GLIS1: variants seen among roughly 807,000 people sequenced by gnomAD.
GLIS1 encodes the protein zinc finger protein GLIS1.
Under a neutral mutation model 63.8 loss-of-function variants are expected in GLIS1, and 24 were observed. The observed-to-expected ratio is 0.38, with a 90% CI of 0.27 to 0.53. The LOEUF is 0.53. Among genes scored for constraint, GLIS1 ranks in the 20% least tolerant of loss-of-function variants. GLIS1 has a pLI of 0.85. For missense variants in GLIS1, 1,036 were observed against 1,074.1 expected (o/e 0.96, Z 0.50); for synonymous variants, 450 against 482.5 (o/e 0.93, Z 0.88).
chr1:53,734,992 T>C (rs935641946), intron 2 of GLIS1, among the ~76,000 whole-genome samples: 1 of 152,120 alleles, frequency 6.6e-6, no homozygotes, highest in Admixed American at 6.5e-5. Context: ...ACCATCCCAG[T>C]GCCTCCCGAT....
chr1:53,643,892 G>A (rs1645814444), intron 2 of GLIS1, among the ~76,000 whole-genome samples: 1 of 152,186 alleles, frequency 6.6e-6, no homozygotes, highest in Non-Finnish European at 1.5e-5. Context: ...ATCCCCACAC[G>A]ATAGAAGAGG....
At chr1:53,641,153 C>A (rs781119431) in intron 2 of GLIS1, among the ~76,000 whole-genome samples, 1 of 152,174 alleles carries the variant, frequency 6.6e-6, no homozygotes, top group Non-Finnish European at 1.5e-5. Context: ...GGTGTTGACT[C>A]TTCTTGGAAC....
chr1:53,577,247 T>C (rs1645041395), intron 4 of GLIS1, among the ~76,000 whole-genome samples: 1 of 151,674 alleles, frequency 6.6e-6, no homozygotes, highest in African/African-American at 2.4e-5. Context: ...GACACCTCCC[T>C]ATTCAGCATG....
chr1:53,708,934 A>G (rs11206202), intron 2 of GLIS1, among the ~76,000 whole-genome samples: 38,924 of 151,918 alleles, frequency 0.26, 5,274 homozygotes, highest in African/African-American at 0.35. Context: ...ATCATTATTC[A>G]TTCATTTACT....
chr1:53,577,451 G>A (rs931071589), intron 4 of GLIS1, among the ~76,000 whole-genome samples: 1 of 152,208 alleles, frequency 6.6e-6, no homozygotes, highest in African/African-American at 2.4e-5. Context: ...TTCTGGAGCT[G>A]ACAAACACGT....
chr1:53,574,793 A>G lies in GLIS1; in HGVS notation c.1320+19315T>C, dbSNP rs2100476387. 6.6e-6 allele frequency among the ~76,000 whole-genome samples: 1 copy of G among 152,260 alleles called. No homozygotes were observed. On this transcript the variant is annotated intron_variant, in intron 4 of 10. Transcript: ENST00000628545. The surrounding 1 kb of genome is among the most constrained non-coding windows in gnomAD (Gnocchi z 4.2). Reference sequence around the variant, plus strand: ...CATGGGGCCATGGGGTCTAGCTGTGAATGTGGTAAAAAGCTGGGGCAGGAG... The same window carrying G: ...CATGGGGCCATGGGGTCTAGCTGTGGATGTGGTAAAAAGCTGGGGCAGGAG...
intron 2 of GLIS1, among the ~76,000 whole-genome samples, chr1:53,655,052 T>C (rs1328064927): frequency 3.3e-5 from 5 of 152,202 alleles, no homozygotes; most frequent in Admixed American, 6.5e-5. Flanking sequence ...TGACGGGGCC[T>C]AGTGCACAGG....
intron 2 of GLIS1, among the ~76,000 whole-genome samples, chr1:53,720,947 G>A (rs570840179): frequency 4.1e-4 from 62 of 151,392 alleles, no homozygotes; most frequent in Middle Eastern, 3.4e-3. Flanking sequence ...GCAGTGGGCC[G>A]AGATCACGCC....
intron 2 of GLIS1, among the ~76,000 whole-genome samples, chr1:53,732,889 C>T (rs797913): frequency 0.13 from 20,064 of 151,930 alleles, 1,830 homozygotes; most frequent in African/African-American, 0.26. Flanking sequence ...AATACTACCA[C>T]ATCGTGTTGA....
At chr1:53,531,369 C>A (rs1644528958) in intron 4 of GLIS1, among the ~76,000 whole-genome samples, 1 of 152,228 alleles carries the variant, frequency 6.6e-6, no homozygotes, top group Admixed American at 6.5e-5. Context: ...AGGACTGGCG[C>A]TCCCAAAGCC....
rs1035633908 is a variant in GLIS1, at chr1:53,539,069, G to A, written c.1321-9117C>T. On this transcript the variant is annotated intron_variant, in intron 4 of 10. Coordinates refer to ENST00000628545, the MANE Select transcript of GLIS1 (RefSeq NM_001367484.1). The surrounding 1 kb of genome is among the most constrained non-coding windows in gnomAD (Gnocchi z 5.0). ...GGAATGAGGAAAGAGGCTCTGCCAG[G>A]GGCCAGGGCTCCGCAGAGAGCACAC... Among the ~76,000 whole-genome samples, 1 of 151,976 alleles carries A rather than the reference G, an allele frequency of 6.6e-6. No individual in the cohort carries two copies. Among genetic ancestry groups the A allele is most frequent in the Non-Finnish European group, 1.5e-5 (1 of 67,978 alleles).
chr1:53,521,427 G>A (rs900040089), intron 6 of GLIS1, among the ~76,000 whole-genome samples: 1 of 152,034 alleles, frequency 6.6e-6, no homozygotes, highest in African/African-American at 2.4e-5. Context: ...AGCTGGGCTC[G>A]GATCCCATCC....
chr1:53,585,269 C>A, intron 4 of GLIS1, among the ~76,000 whole-genome samples: 1 of 151,932 alleles, frequency 6.6e-6, no homozygotes, highest in Non-Finnish European at 1.5e-5. Context: ...ATCTAATATG[C>A]GCCAGGCACG....
intron 4 of GLIS1, among the ~76,000 whole-genome samples, chr1:53,581,176 G>C (rs897232090): frequency 1.3e-5 from 2 of 152,218 alleles, no homozygotes; most frequent in Non-Finnish European, 2.9e-5. Context: ...CGATGAAGAA[G>C]GGAGGGAAAT....
intron 4 of GLIS1, among the ~76,000 whole-genome samples, chr1:53,546,835 CTGT>C (rs1446654189): frequency 6.6e-6 from 1 of 152,218 alleles, no homozygotes; most frequent in African/African-American, 2.4e-5. Flanking sequence ...CTAGATTTCC[CTGT>C]TGTTAAGACT....
At chr1:53,565,511 A>G (rs1644929695) in intron 4 of GLIS1, among the ~76,000 whole-genome samples, 2 of 152,212 alleles carry the variant, frequency 1.3e-5, no homozygotes, top group South Asian at 4.1e-4. Flanking sequence ...GGCACAAAAA[A>G]AGGAATAATA....
In GLIS1 at chr1:53,598,439, G is replaced by A. The variant is rs997759257; in HGVS notation, c.437+1662C>T. The stretch of plus-strand genomic sequence containing the variant: ...AGTCTCAGCTGCTGGAGTGGCTGAG[G>A]TGGCAGGATCACTTGAGCCTGGGAG... On this transcript the variant is annotated intron_variant, in intron 3 of 10. Transcript: ENST00000628545. The surrounding 1 kb of genome is among the most constrained non-coding windows in gnomAD (Gnocchi z 4.6). Among the ~76,000 whole-genome samples, 1 of 152,154 alleles carries A rather than the reference G, an allele frequency of 6.6e-6. No homozygotes were observed. Among genetic ancestry groups the A allele is most frequent in the Non-Finnish European group, 1.5e-5 (1 of 68,026 alleles).
At chr1:53,674,554 G>C (rs1467825976) in intron 2 of GLIS1, among the ~76,000 whole-genome samples, 1 of 152,034 alleles carries the variant, frequency 6.6e-6, no homozygotes, top group Non-Finnish European at 1.5e-5. Context: ...AGGCATGTGA[G>C]CTCTTGTTGC....
intron 4 of GLIS1, among the ~76,000 whole-genome samples, chr1:53,550,505 G>T (rs1434743244): frequency 6.6e-6 from 1 of 152,210 alleles, no homozygotes; most frequent in Non-Finnish European, 1.5e-5. Context: ...CCTACCCAAG[G>T]CTGAGGCTGG....
Sources: allele counts gnomAD v4.1 joint callset (sites outside exome capture counted in the v4.1 genomes callset), GRCh38; gene constraint gnomAD v4.1.1; non-coding constraint Gnocchi (gnomAD v3.1); transcripts MANE v1.5; gene names NCBI Gene and HGNC (gene_info 2026-07-23, HGNC 2026-07-21).